Variants in CHRNA1 observed in about 807,000 individuals in gnomAD.
CHRNA1 encodes the protein acetylcholine receptor subunit alpha.
In CHRNA1, 35 loss-of-function variants were observed where a neutral mutation model predicts 47.1. The ratio of observed to expected loss-of-function variants is 0.74; its 90% CI spans 0.57 to 0.99. The LOEUF (loss-of-function observed/expected upper bound fraction) is 0.99. Among genes scored for constraint, CHRNA1 ranks in the 50% least tolerant of loss-of-function variants. The pLI, the probability that CHRNA1 is intolerant of heterozygous loss-of-function variation, is 0.00. For missense variants in CHRNA1, 506 were observed against 591.1 expected (o/e 0.86, Z 1.49); for synonymous variants, 229 against 223.6 (o/e 1.02, Z -0.22).
rs1026037308 is a variant in CHRNA1 at position 174,754,109 on chromosome 2, A to T, written c.540+110T>A. 3 of 1,013,814 alleles carry T rather than the reference A, an allele frequency of 3.0e-6. No homozygotes were observed. The South Asian group carries it at 3.9e-5, about 13-fold the overall frequency. 62.8% of individuals were successfully genotyped at this position (1,013,814 alleles called of 1,614,324 possible). A position where few individuals can be genotyped will look rare whatever the true frequency, so the allele number is the denominator to read the frequency against. On this transcript the variant is annotated intron_variant, in intron 5 of 8. Coordinates refer to ENST00000348749, the MANE Select transcript of CHRNA1 (RefSeq NM_000079.4). The stretch of plus-strand genomic sequence containing the variant: ...TCAACTTGAACCATCAAACTAGATG[A>T]TTCCTAAGTTCTAACTGGTACTGAG...
rs754491265 is a variant in CHRNA1 at position 174,754,432 on chromosome 2, G to GTGAC, written c.345-19_345-18insGTCA. 267 of 1,612,266 alleles carry GTGAC rather than the reference G, an allele frequency of 1.7e-4. 1 individual carries two copies. In the African/African-American group the frequency reaches 3.3e-3, roughly 20 times the overall value. ...CATCTGCACTACAATTGGGATAAAA[G>GTGAC]AGGAAAATGGCTCCAAGTGACAGAT... On this transcript the variant is annotated intron_variant, in intron 4 of 8. Coordinates refer to ENST00000348749, the MANE Select transcript of CHRNA1 (RefSeq NM_000079.4).
chr2:174,756,802 A>G (rs1683987909), intron 4 of CHRNA1, among the ~76,000 whole-genome samples: 1 of 152,166 alleles, frequency 6.6e-6, no homozygotes, highest in Non-Finnish European at 1.5e-5. Context: ...GCTAGGACAC[A>G]CAGCTTGTGG....
intron 3 of CHRNA1, among the ~76,000 whole-genome samples, chr2:174,758,353 G>T (rs562477633): frequency 1.3e-5 from 2 of 152,268 alleles, no homozygotes; most frequent in African/African-American, 4.8e-5. Flanking sequence ...AGGTTGCAGT[G>T]AGCCGAGATC....
chr2:174,754,417 A>G lies in CHRNA1; in HGVS notation c.345-3T>C. 6.2e-7 allele frequency: 1 copy of G among 1,613,876 alleles called. No homozygotes were observed. On this transcript the variant is annotated splice_region_variant and splice_polypyrimidine_tract_variant and intron_variant, in intron 4 of 8. Coordinates refer to ENST00000348749, the MANE Select transcript of CHRNA1 (RefSeq NM_000079.4). ...CAATAGCAAAGTCACCATCTGCACT[A>G]CAATTGGGATAAAAGAGGAAAATGG...
intron 4 of CHRNA1, among the ~76,000 whole-genome samples, chr2:174,754,979 G>C (rs189858643): frequency 6.9e-6 from 1 of 144,896 alleles, no homozygotes; most frequent in East Asian, 2.1e-4. Context: ...TCCACCTCCC[G>C]GGCTCAAGCA....
At chr2:174,756,244 C>T (rs73973609) in intron 4 of CHRNA1, among the ~76,000 whole-genome samples, 8,331 of 152,202 alleles carry the variant, frequency 0.055, 783 homozygotes, top group African/African-American at 0.19. Flanking sequence ...TTCCCGTAAA[C>T]AGCAGTCTGT....
intron 6 of CHRNA1, among the ~76,000 whole-genome samples, chr2:174,751,432 A>AAT (rs1683846629): frequency 6.6e-6 from 1 of 152,202 alleles, no homozygotes; most frequent in Non-Finnish European, 1.5e-5. Flanking sequence ...CGGATGCTAG[A>AAT]ATATATATAG....
At position 174,753,626 on chromosome 2, in the gene CHRNA1, G is replaced by A. The variant is rs150638770; in HGVS notation, c.655C>T (p.Leu219=). 5,010 of 1,614,148 alleles carry A rather than the reference G, an allele frequency of 3.1e-3. 7 individuals are homozygous for A. The highest frequency in any genetic ancestry group is 3.8e-3 in the Non-Finnish European group (4,485 of 1,180,036). The change falls in exon 6 of 9, where the codon CTG becomes TTG. Residue 219 remains leucine, a synonymous_variant. Transcript: ENST00000348749. ...ATGACGAAGTGGTAGGTGATGTCCA[G>A]GTAGGGGGTGTCGGGGCAGCAGGAA... ...TYSCCPDTPY[L]DITYHFVMQR...
At chr2:174,757,929 G>A in intron 3 of CHRNA1, 1 of 1,372,916 alleles carries the variant, frequency 7.3e-7, no homozygotes, top group South Asian at 1.2e-5. Context: ...TCCCGTGAGG[G>A]GAGGGTGATT....
At chr2:174,757,723 A>C in intron 3 of CHRNA1, 48 bp from the exon 4 acceptor site, 1 of 1,511,748 alleles carries the variant, frequency 6.6e-7, no homozygotes, top group Non-Finnish European at 9.2e-7. Flanking sequence ...AACACTTTCT[A>C]AAATCTAAGG....
chr2:174,753,183 C>G, intron 6 of CHRNA1: 1 of 585,860 alleles, frequency 1.7e-6, no homozygotes, highest in Non-Finnish European at 3.1e-6. Context: ...ACATGCCTTA[C>G]CCAGTACACT....
intron 1 of CHRNA1, among the ~76,000 whole-genome samples, chr2:174,761,386 T>C (rs1684097169): frequency 6.6e-6 from 1 of 151,938 alleles, no homozygotes; most frequent in South Asian, 2.1e-4. Context: ...GCTCAAGCAA[T>C]CCTCCCACCT....
At chr2:174,748,554 C>T (rs1213643053) in intron 8 of CHRNA1, 26 bp downstream of exon 8, 5 of 1,608,308 alleles carry the variant, frequency 3.1e-6, no homozygotes, top group Non-Finnish European at 4.3e-6. Flanking sequence ...AACCCAGAGG[C>T]ATGAATTTCA....
intron 1 of CHRNA1, 146 bp downstream of exon 1, chr2:174,764,206 C>T: frequency 1.2e-6 from 1 of 802,582 alleles, no homozygotes. Flanking sequence ...AAGCTAACAT[C>T]AGGAAGAAAC....
chr2:174,755,481 G>A (rs923659474), intron 4 of CHRNA1, among the ~76,000 whole-genome samples: 2 of 151,390 alleles, frequency 1.3e-5, no homozygotes, highest in Non-Finnish European at 2.9e-5. Flanking sequence ...GTGCAGTGGC[G>A]TGATATCGGC....
At chr2:174,757,887 A>C in intron 3 of CHRNA1, 1 of 1,039,494 alleles carries the variant, frequency 9.6e-7, no homozygotes, top group Non-Finnish European at 1.5e-6. Flanking sequence ...CAAACAACTT[A>C]CCTATATTAA....
chr2:174,757,005 C>T (rs1683991825), intron 4 of CHRNA1, among the ~76,000 whole-genome samples: 1 of 152,084 alleles, frequency 6.6e-6, no homozygotes. Flanking sequence ...GTCGTGGGGC[C>T]CAGTGGATGG....
chr2:174,762,585 G>A (rs963662011), intron 1 of CHRNA1, among the ~76,000 whole-genome samples: 6 of 152,138 alleles, frequency 3.9e-5, no homozygotes, highest in African/African-American at 9.7e-5. Context: ...TGTCATTTAC[G>A]TAAATAACTG....
intron 8 of CHRNA1, 142 bp from the exon 9 acceptor site, chr2:174,748,397 T>G: frequency 7.1e-7 from 1 of 1,404,042 alleles, no homozygotes; most frequent in Non-Finnish European, 9.7e-7. Context: ...GTCTTTATTT[T>G]TTGAATAGAT....
Sources: gnomAD v4.1 joint callset for allele counts (sites outside exome capture counted in the v4.1 genomes callset) on GRCh38, gnomAD v4.1.1 for gene constraint, MANE v1.5 for transcripts, NCBI Gene and HGNC (gene_info 2026-07-23, HGNC 2026-07-21) for gene names.